The following CLSTN2 variants were observed in gnomAD, a reference collection of about 807,000 sequenced individuals.
CLSTN2 encodes calsyntenin-2.
In CLSTN2, 48 loss-of-function variants were observed where a neutral mutation model predicts 101.2. The ratio of observed to expected loss-of-function variants is 0.47; its 90% confidence interval spans 0.38 to 0.60. The LOEUF is 0.60. Among genes scored for constraint, CLSTN2 ranks in the 20% least tolerant of loss-of-function variants. The probability of loss-of-function intolerance (pLI) is 0.00; values close to 1 mark genes in which losing one functional copy is unlikely to be tolerated. For missense variants in CLSTN2, 1,160 were observed against 1,238.2 expected, an observed-to-expected ratio of 0.94 and a Z score of 0.95; for synonymous variants, 481 against 463.6, an observed-to-expected ratio of 1.04 and a Z score of -0.48.
chr3:140,459,272 T>A (rs1354926412), intron 6 of CLSTN2, among the ~76,000 whole-genome samples: 2 of 152,240 alleles, frequency 1.3e-5, no homozygotes, highest in Non-Finnish European at 2.9e-5. Context: ...CGACACTTTT[T>A]TCTTGCATCC....
intron 1 of CLSTN2, among the ~76,000 whole-genome samples, chr3:139,966,421 A>G (rs1232065549): frequency 6.6e-6 from 1 of 152,110 alleles, no homozygotes; most frequent in Non-Finnish European, 1.5e-5. Flanking sequence ...TTATGCCTTG[A>G]CGATGGTGGT....
At chr3:140,210,377 G>A (rs921115609) in intron 2 of CLSTN2, among the ~76,000 whole-genome samples, 5 of 152,184 alleles carry the variant, frequency 3.3e-5, no homozygotes, top group Non-Finnish European at 5.9e-5. Flanking sequence ...AGCAGTAGCC[G>A]AGGCAGGCTG....
chr3:140,304,559 G>C (rs555653260), intron 2 of CLSTN2, among the ~76,000 whole-genome samples: 4 of 152,204 alleles, frequency 2.6e-5, no homozygotes, highest in African/African-American at 9.6e-5. Context: ...TCTCATCTAA[G>C]CCTAACTAAC....
intron 1 of CLSTN2, among the ~76,000 whole-genome samples, chr3:140,162,168 C>G (rs1438591802): frequency 6.6e-6 from 1 of 152,148 alleles, no homozygotes; most frequent in Non-Finnish European, 1.5e-5. Context: ...CAAATACTAT[C>G]TTAGCACTTC....
intron 2 of CLSTN2, among the ~76,000 whole-genome samples, chr3:140,184,261 A>G (rs1270698614): frequency 6.6e-6 from 1 of 152,162 alleles, no homozygotes. Context: ...GTATTAGTCC[A>G]TTTTCACACT....
intron 4 of CLSTN2, among the ~76,000 whole-genome samples, chr3:140,419,192 C>T (rs540312271): frequency 6.6e-6 from 1 of 151,336 alleles, no homozygotes; most frequent in South Asian, 2.1e-4. Flanking sequence ...TAAAAATATA[C>T]CTGAGTCAGG....
At chr3:140,542,713 A>G (rs187685132) in intron 9 of CLSTN2, among the ~76,000 whole-genome samples, 2 of 152,344 alleles carry the variant, frequency 1.3e-5, no homozygotes, top group African/African-American at 4.8e-5. Flanking sequence ...TCTTGAGTCA[A>G]AAATATAGAA....
At chr3:140,188,261 C>A (rs12629075) in intron 2 of CLSTN2, among the ~76,000 whole-genome samples, 31,653 of 152,154 alleles carry the variant, frequency 0.21, 3,552 homozygotes, top group Non-Finnish European at 0.24. Context: ...GCAGCACTTG[C>A]AATGCAATCT....
At position 139,941,590 on chromosome 3, in the gene CLSTN2, G is replaced by A. The variant is rs940601471; in HGVS notation, c.109+6107G>A. ...GATTGTGCATCACAGACCCCCCGAA[G>A]CCTTGCAGGAAAGGAAGAAGTTGGC... On this transcript the variant is annotated intron_variant, in intron 1 of 16. Coordinates refer to ENST00000458420, the MANE Select transcript of CLSTN2 (RefSeq NM_022131.3). Among the ~76,000 whole-genome samples the A allele has an allele frequency of 7.9e-5, 12 of 152,310 alleles. No individual in the cohort carries two copies. The East Asian group carries it at 1.9e-3, about 25-fold the overall frequency.
At chr3:140,402,766 C>T (rs942056684) in intron 2 of CLSTN2, among the ~76,000 whole-genome samples, 25 of 152,270 alleles carry the variant, frequency 1.6e-4, no homozygotes, top group East Asian at 1.2e-3. Context: ...GACCATCTTA[C>T]GGATGACACA....
intron 2 of CLSTN2, among the ~76,000 whole-genome samples, chr3:140,373,503 T>G (rs1007647388): frequency 1.3e-5 from 2 of 152,218 alleles, no homozygotes; most frequent in Non-Finnish European, 2.9e-5. Context: ...TCTATTATAT[T>G]GAGCAGGAAA....
intron 2 of CLSTN2, among the ~76,000 whole-genome samples, chr3:140,263,997 C>G (rs2086674759): frequency 1.3e-5 from 2 of 152,208 alleles, no homozygotes; most frequent in Non-Finnish European, 2.9e-5. Flanking sequence ...TCTGTACTCT[C>G]ACTATCAAAC....
intron 1 of CLSTN2, among the ~76,000 whole-genome samples, chr3:140,009,637 AG>A (rs2007031822): frequency 6.6e-6 from 1 of 152,108 alleles, no homozygotes; most frequent in African/African-American, 2.4e-5. Context: ...AGTGTTTTTC[AG>A]TTGTAAGTTT....
chr3:140,531,089 C>T (rs1396627460), intron 8 of CLSTN2, among the ~76,000 whole-genome samples: 1 of 152,052 alleles, frequency 6.6e-6, no homozygotes, highest in Non-Finnish European at 1.5e-5. Flanking sequence ...ACAGGCCTAG[C>T]TTGAGAGCCC....
chr3:140,403,868 GCCCAC>G, intron 3 of CLSTN2, 44 bp downstream of exon 3: 1 of 1,473,446 alleles, frequency 6.8e-7, no homozygotes, highest in Non-Finnish European at 9.3e-7. Context: ...TCCCTCCCGT[GCCCAC>G]CCCACTTCAT....
intron 5 of CLSTN2, among the ~76,000 whole-genome samples, chr3:140,427,184 A>T (rs1842276): frequency 0.044 from 4,151 of 93,982 alleles, 101 homozygotes; most frequent in Non-Finnish European, 0.053. Context: ...AAAAAAAAAA[A>T]ATATATATAT....
At chr3:140,001,831 G>A (rs914122863) in intron 1 of CLSTN2, among the ~76,000 whole-genome samples, 1 of 150,948 alleles carries the variant, frequency 6.6e-6, no homozygotes, top group African/African-American at 2.4e-5. Flanking sequence ...GAGTTCAATT[G>A]TTTTAATTTC....
intron 1 of CLSTN2, among the ~76,000 whole-genome samples, chr3:140,158,516 A>T (rs923768637): frequency 6.6e-6 from 1 of 152,190 alleles, no homozygotes; most frequent in Admixed American, 6.5e-5. Flanking sequence ...CTAGAAGGAG[A>T]ACTAAAAAAC....
In CLSTN2 at chr3:140,558,853, C is replaced by T. The variant is rs201108538; in HGVS notation, c.2037C>T (p.Thr679=). The T allele has an allele frequency of 3.7e-6, 6 of 1,613,466 alleles. No individual in the cohort carries two copies. In the East Asian group the frequency reaches 1.3e-4, roughly 36 times the overall value. The change falls in exon 12 of 17, where the codon ACC becomes ACT. Residue 679 remains threonine, a synonymous_variant. Coordinates refer to ENST00000458420, the MANE Select transcript of CLSTN2 (RefSeq NM_022131.3). ...CCGAAGCCCCCGGGGACGTGAAAAC[C>T]ACAGGTACAGGTGCATTTGAGTTTG... ...AKTEAPGDVK[T]TDPKSEVLEE... is the part of the protein sequence containing the mutation.
Sources: gnomAD v4.1 joint callset for allele counts (sites outside exome capture counted in the v4.1 genomes callset) on GRCh38, gnomAD v4.1.1 for gene constraint, MANE v1.5 for transcripts, NCBI Gene and HGNC (gene_info 2026-07-23, HGNC 2026-07-21) for gene names.